Variants in LNP1 observed in about 807,000 individuals in gnomAD.
LNP1 encodes the protein leukemia NUP98 fusion partner 1.
In LNP1, 12 loss-of-function variants were observed where a neutral mutation model predicts 14.5. That is an observed-to-expected ratio of 0.83 (90% CI 0.53 to 1.34). The LOEUF (loss-of-function observed/expected upper bound fraction) is 1.34, where lower values mean the gene tolerates loss of function less well. LNP1 is among the 40% of genes most tolerant of loss of function. LNP1 has a pLI of 0.00. For missense variants in LNP1, 198 were observed against 210.9 expected (o/e 0.94, Z 0.38); for synonymous variants, 75 against 71.4 (o/e 1.05, Z -0.26).
At chr3:100,426,202 C>A (rs1707191447) in intron 1 of LNP1, among the ~76,000 whole-genome samples, 1 of 152,160 alleles carries the variant, frequency 6.6e-6, no homozygotes, top group Admixed American at 6.5e-5. Context: ...TGCAAGTGAT[C>A]CATGTGATTC....
At chr3:100,451,449 G>A (rs549450745) in intron 2 of LNP1, among the ~76,000 whole-genome samples, 4 of 152,304 alleles carry the variant, frequency 2.6e-5, no homozygotes, top group Admixed American at 2.0e-4. Flanking sequence ...AGGCAATCAG[G>A]TATGTGTTTG....
At chr3:100,408,283 G>T (rs1706990655) in intron 1 of LNP1, among the ~76,000 whole-genome samples, 1 of 152,202 alleles carries the variant, frequency 6.6e-6, no homozygotes, top group Non-Finnish European at 1.5e-5. Context: ...ATTTGGTGTG[G>T]TCTCCGAGCC....
chr3:100,422,273 T>TC (rs1298193764), intron 1 of LNP1, among the ~76,000 whole-genome samples: 1 of 144,272 alleles, frequency 6.9e-6, no homozygotes, highest in African/African-American at 2.6e-5. Flanking sequence ...AAGCTTCGCC[T>TC]CCCGGGTTCA....
At chr3:100,407,066 A>C (rs1218593163) in intron 1 of LNP1, among the ~76,000 whole-genome samples, 1 of 152,182 alleles carries the variant, frequency 6.6e-6, no homozygotes, top group African/African-American at 2.4e-5. Context: ...TAATACTTTT[A>C]TCTTTTAGCC....
chr3:100,402,564 T>C (rs906778461), intron 1 of LNP1, 125 bp downstream of exon 1: 5 of 152,284 alleles, frequency 3.3e-5, no homozygotes, highest in Admixed American at 1.3e-4. Flanking sequence ...TCTCCCCTCC[T>C]GATCCCCCAA....
chr3:100,427,498 GGTA>G (rs778428182), intron 1 of LNP1, among the ~76,000 whole-genome samples: 2 of 152,164 alleles, frequency 1.3e-5, no homozygotes, highest in Non-Finnish European at 2.9e-5. Flanking sequence ...TAGATGGCTA[GGTA>G]GCCACTGGGC....
At chr3:100,426,299 C>G (rs762136065) in intron 1 of LNP1, among the ~76,000 whole-genome samples, 1 of 152,168 alleles carries the variant, frequency 6.6e-6, no homozygotes, top group Non-Finnish European at 1.5e-5. Flanking sequence ...CTTGAGCCTA[C>G]GCCTGTCTTC....
rs181068482 is a variant in LNP1, at chr3:100,441,450, A to G, written c.157-10269A>G. Among the ~76,000 whole-genome samples the G allele has an allele frequency of 4.8e-3, 737 of 152,262 alleles. 6 individuals carry two copies. The highest frequency in any genetic ancestry group is 0.017 in the African/African-American group (701 of 41,538). On this transcript the variant is annotated intron_variant, in intron 2 of 3. Transcript: ENST00000383693. ...ACTGTCTGTCCTTTGCCCATTTTCCAGTTGTGATGTTAATGATTGATGTCA... is the reference window on the plus strand; with the variant it reads ...ACTGTCTGTCCTTTGCCCATTTTCCGGTTGTGATGTTAATGATTGATGTCA...
intron 2 of LNP1, among the ~76,000 whole-genome samples, chr3:100,438,958 A>C (rs1707317681): frequency 6.6e-6 from 1 of 152,182 alleles, no homozygotes; most frequent in Non-Finnish European, 1.5e-5. Context: ...AATTCCAAAA[A>C]TAGAGCTCGC....
At chr3:100,403,140 T>C (rs995003050) in intron 1 of LNP1, among the ~76,000 whole-genome samples, 1 of 152,240 alleles carries the variant, frequency 6.6e-6, no homozygotes, top group Non-Finnish European at 1.5e-5. Context: ...GATGCATGTT[T>C]TTCTAATCTG....
intron 1 of LNP1, among the ~76,000 whole-genome samples, chr3:100,421,058 A>G (rs997411733): frequency 6.6e-6 from 1 of 151,412 alleles, no homozygotes; most frequent in Non-Finnish European, 1.5e-5. Flanking sequence ...GGCTCACTGG[A>G]GCCTCAATCT....
intron 1 of LNP1, among the ~76,000 whole-genome samples, chr3:100,420,486 A>T (rs575104253): frequency 8.6e-5 from 13 of 151,278 alleles, no homozygotes; most frequent in Non-Finnish European, 1.2e-4. Context: ...TAGTTTTTTT[A>T]AAAAAAATTT....
At chr3:100,416,462 G>A (rs1707084271) in intron 1 of LNP1, among the ~76,000 whole-genome samples, 1 of 152,036 alleles carries the variant, frequency 6.6e-6, no homozygotes, top group South Asian at 2.1e-4. Context: ...TGTTGCTGCT[G>A]CTGCTGTTGT....
intron 2 of LNP1, among the ~76,000 whole-genome samples, chr3:100,433,744 T>C (rs1368683109): frequency 6.6e-6 from 1 of 152,232 alleles, no homozygotes; most frequent in African/African-American, 2.4e-5. Context: ...CTTGGCTTTT[T>C]AATAATTGCC....
chr3:100,406,155 A>T (rs1035257816), intron 1 of LNP1, among the ~76,000 whole-genome samples: 1 of 152,032 alleles, frequency 6.6e-6, no homozygotes, highest in Non-Finnish European at 1.5e-5. Flanking sequence ...GCATGGTGGC[A>T]CATGCCTGTA....
rs369842390 is a variant in LNP1, at chr3:100,451,805, C to T, written c.243C>T (p.His81=). The change falls in exon 3 of 4, where the codon CAC becomes CAT. Residue 81 remains histidine, a synonymous_variant. Transcript: ENST00000383693. Reference sequence around the variant, plus strand: ...ACCAAGAATTTCGATGCCGTAGCCACGTACGGGATTACAGAAAATACTCAG... The same window carrying T: ...ACCAAGAATTTCGATGCCGTAGCCATGTACGGGATTACAGAAAATACTCAG... ...HEDQEFRCRS[H]VRDYRKYSED... is the part of the protein sequence containing the mutation. 1.5e-4 allele frequency: 110 copies of T among 754,796 alleles called. 1 individual carries two copies. The East Asian group carries it at 2.5e-3, about 17-fold the overall frequency. The allele number at this position is 754,796 out of a possible 1,614,324, so 46.8% of individuals were successfully genotyped here.
chr3:100,422,461 T>C (rs1049590016), intron 1 of LNP1, among the ~76,000 whole-genome samples: 2 of 152,084 alleles, frequency 1.3e-5, no homozygotes, highest in Non-Finnish European at 2.9e-5. Context: ...TTTTACATAG[T>C]AGTAAATTTT....
intron 1 of LNP1, among the ~76,000 whole-genome samples, chr3:100,423,234 G>T (rs1270197800): frequency 6.6e-6 from 1 of 152,058 alleles, no homozygotes; most frequent in East Asian, 1.9e-4. Context: ...GAATGAGACC[G>T]GTTCAGTCAA....
chr3:100,439,557 G>A (rs1020468700), intron 2 of LNP1, among the ~76,000 whole-genome samples: 13 of 152,072 alleles, frequency 8.5e-5, no homozygotes, highest in African/African-American at 2.2e-4. Flanking sequence ...TCAGCTTGTC[G>A]TTCAGTCAGC....
Sources: allele counts gnomAD v4.1 joint callset (sites outside exome capture counted in the v4.1 genomes callset), GRCh38; gene constraint gnomAD v4.1.1; transcripts MANE v1.5; gene names NCBI Gene and HGNC (gene_info 2026-07-23, HGNC 2026-07-21).